The following DIP2C variants were observed in gnomAD, a reference collection of about 807,000 sequenced individuals.
DIP2C encodes disco-interacting protein 2 homolog C.
In DIP2C, 33 loss-of-function variants were observed where a neutral mutation model predicts 192.4. The ratio of observed to expected loss-of-function variants is 0.17; its 90% CI spans 0.13 to 0.23. DIP2C has a LOEUF of 0.23. Among genes scored for constraint, DIP2C ranks in the 10% least tolerant of loss-of-function variants. DIP2C has a pLI of 1.00. For missense variants in DIP2C, 1,537 were observed against 2,110.1 expected (o/e 0.73, Z 5.32); for synonymous variants, 979 against 864.1 (o/e 1.13, Z -2.33).
intron 2 of DIP2C, among the ~76,000 whole-genome samples, chr10:473,891 T>C (rs1970849545): frequency 6.6e-6 from 1 of 152,210 alleles, no homozygotes; most frequent in South Asian, 2.1e-4. Context: ...TTTCTGAACA[T>C]CAGCTTTTGA....
chr10:477,464 T>C (rs187785943), intron 2 of DIP2C, among the ~76,000 whole-genome samples: 1 of 116 alleles, frequency 8.6e-3, no homozygotes, highest in African/African-American at 9.3e-3. Context: ...GGGTGGGAGG[T>C]GGGAGGTGGG....
chr10:381,310 G>A lies in DIP2C; in HGVS notation c.1991+1337C>T, dbSNP rs1354326775. Among the ~76,000 whole-genome samples, 3 of 152,240 alleles carry A rather than the reference G, an allele frequency of 2.0e-5. No individual in the cohort carries two copies. The East Asian group carries it at 5.8e-4, about 29-fold the overall frequency. ...AGTCTTAATGAGACTGAGTGATGGA[G>A]GGGCAGGGAGAACCGGCATGGGGAC... On this transcript the variant is annotated intron_variant, in intron 17 of 36. Transcript: ENST00000280886.
At chr10:549,056 A>T (rs962089288) in intron 1 of DIP2C, among the ~76,000 whole-genome samples, 4 of 152,142 alleles carry the variant, frequency 2.6e-5, no homozygotes, top group Admixed American at 2.6e-4. Flanking sequence ...GTTAGTCAGA[A>T]TTAAAGGCAA....
At chr10:506,310 G>C (rs565266209) in intron 1 of DIP2C, among the ~76,000 whole-genome samples, 5 of 152,280 alleles carry the variant, frequency 3.3e-5, no homozygotes, top group African/African-American at 1.2e-4. Context: ...GAGCAGACAA[G>C]CTGCATGACA....
chr10:646,207 G>A (rs1363418635), intron 1 of DIP2C, among the ~76,000 whole-genome samples: 1 of 152,160 alleles, frequency 6.6e-6, no homozygotes, highest in Non-Finnish European at 1.5e-5. Flanking sequence ...GCTGACGACA[G>A]GCCCATCTAT....
At chr10:527,185 G>T (rs185432226) in intron 1 of DIP2C, among the ~76,000 whole-genome samples, 2 of 152,190 alleles carry the variant, frequency 1.3e-5, no homozygotes, top group African/African-American at 4.8e-5. Context: ...CGTACCGTGC[G>T]AAGTGCGGCA....
chr10:491,029 T>C (rs1390435781), intron 1 of DIP2C, among the ~76,000 whole-genome samples: 1 of 152,190 alleles, frequency 6.6e-6, no homozygotes, highest in Non-Finnish European at 1.5e-5. Flanking sequence ...GGGAAAGGTC[T>C]GCCTGGCAAA....
At chr10:381,959 C>G (rs982987637) in intron 17 of DIP2C, among the ~76,000 whole-genome samples, 7 of 152,196 alleles carry the variant, frequency 4.6e-5, no homozygotes, top group African/African-American at 1.7e-4. Context: ...AGCCTGTTCT[C>G]CTACAACAGC....
chr10:572,109 C>T (rs1239271780), intron 1 of DIP2C, among the ~76,000 whole-genome samples: 3 of 152,356 alleles, frequency 2.0e-5, no homozygotes, highest in East Asian at 3.9e-4. Flanking sequence ...CCTTCGATCA[C>T]GGTTATCCTA....
chr10:603,479 A>C lies in DIP2C; in HGVS notation c.85+86015T>G, dbSNP rs564729264. 3.3e-5 allele frequency among the ~76,000 whole-genome samples: 5 copies of C among 152,202 alleles called. No individual in the cohort carries two copies. In the South Asian group the frequency reaches 1.0e-3, roughly 32 times the overall value. ...AATCCTAACACGTCATGTGTTAAAG[A>C]CCACTCCCCCAGGAGCTCTGAACAA... On this transcript the variant is annotated intron_variant, in intron 1 of 36. Coordinates refer to ENST00000280886, the MANE Select transcript of DIP2C (RefSeq NM_014974.3).
chr10:600,957 G>A (rs964341644), intron 1 of DIP2C, among the ~76,000 whole-genome samples: 23 of 152,286 alleles, frequency 1.5e-4, no homozygotes, highest in African/African-American at 5.3e-4. Context: ...GTGGCTCTGT[G>A]GTGTCACGTG....
chr10:647,040 G>C (rs1855489724), intron 1 of DIP2C, among the ~76,000 whole-genome samples: 1 of 152,188 alleles, frequency 6.6e-6, no homozygotes, highest in Non-Finnish European at 1.5e-5. Context: ...GTCCACATTT[G>C]ACAGTAGGAG....
At chr10:359,159 C>CA (rs1959196768) in intron 22 of DIP2C, among the ~76,000 whole-genome samples, 1 of 152,156 alleles carries the variant, frequency 6.6e-6, no homozygotes, top group African/African-American at 2.4e-5. Flanking sequence ...ATCACCATGA[C>CA]AACCGATGTC....
rs532006310 is a variant in DIP2C at position 394,871 on chromosome 10, C to T, written c.1261-4008G>A. On this transcript the variant is annotated intron_variant, in intron 10 of 36. Transcript: ENST00000280886. The stretch of plus-strand genomic sequence containing the variant: ...GAAGGACATTACCTCACACAGTGGG[C>T]GCTATTCAGCCTTCAGACAGGAGGG... 1.3e-4 allele frequency among the ~76,000 whole-genome samples: 20 copies of T among 149,710 alleles called. No homozygotes were observed. The South Asian group carries it at 2.3e-3, about 18-fold the overall frequency.
At chr10:597,978 G>A (rs1442013510) in intron 1 of DIP2C, among the ~76,000 whole-genome samples, 1 of 152,188 alleles carries the variant, frequency 6.6e-6, no homozygotes. Context: ...TTCCCTACCT[G>A]GACTCTGGGG....
intron 7 of DIP2C, among the ~76,000 whole-genome samples, chr10:415,345 G>A (rs1965557191): frequency 6.6e-6 from 1 of 152,128 alleles, no homozygotes; most frequent in Non-Finnish European, 1.5e-5. Flanking sequence ...AAAGACCCAG[G>A]AGCATTCAGG....
At chr10:544,179 C>A (rs541651973) in intron 1 of DIP2C, among the ~76,000 whole-genome samples, 2 of 150,516 alleles carry the variant, frequency 1.3e-5, no homozygotes, top group South Asian at 4.2e-4. Context: ...GGCATCTTTC[C>A]CGTTCAAGGT....
intron 1 of DIP2C, among the ~76,000 whole-genome samples, chr10:548,219 C>CCCCCCCA (rs1554897772): frequency 7.7e-6 from 1 of 130,534 alleles, no homozygotes; most frequent in African/African-American, 2.7e-5. Context: ...CCCCCCCCCC[C>CCCCCCCA]ACAGGAAAGC....
At chr10:344,633 T>A (rs1236893631) in intron 28 of DIP2C, among the ~76,000 whole-genome samples, 176 bp downstream of exon 28, 1 of 152,194 alleles carries the variant, frequency 6.6e-6, no homozygotes, top group African/African-American at 2.4e-5. Flanking sequence ...TCAGTCAGCC[T>A]GGTTAAGGAT....
Sources: gnomAD v4.1 joint callset for allele counts (sites outside exome capture counted in the v4.1 genomes callset) on GRCh38, gnomAD v4.1.1 for gene constraint, MANE v1.5 for transcripts, NCBI Gene and HGNC (gene_info 2026-07-23, HGNC 2026-07-21) for gene names.